Variants in PROZ observed in about 807,000 individuals in gnomAD.
The protein encoded by PROZ is vitamin K-dependent protein Z.
In PROZ, 46 loss-of-function variants were observed where a neutral mutation model predicts 34.9. That is an observed-to-expected ratio of 1.32 (90% CI 1.04 to 1.69). The LOEUF (loss-of-function observed/expected upper bound fraction) is 1.69. Among genes scored for constraint, PROZ ranks in the 40% most tolerant of loss-of-function variants. The probability of loss-of-function intolerance (pLI) is 0.00; values close to 1 mark genes in which losing one functional copy is unlikely to be tolerated. For missense variants in PROZ, 530 were observed against 520.4 expected (o/e 1.02, Z -0.18); for synonymous variants, 195 against 208.5 (o/e 0.94, Z 0.56).
At position 113,172,090 on chromosome 13, in the gene PROZ, AC is replaced by A. The variant is rs2037127529; in HGVS notation, c.1189del (p.Gln397ArgfsTer3). The A allele has an allele frequency of 6.2e-7, 1 of 1,612,788 alleles. No individual in the cohort carries two copies. The highest frequency in any genetic ancestry group is 1.3e-5 in the African/African-American group (1 of 75,010). ...KVSRYSLWFK[Q>X]IMN ...TCTCCAGGTACTCACTCTGGTTTAA[AC>A]AGATCATGAACTAACTGAAACTCAG... On this transcript the variant is annotated frameshift_variant, in exon 8 of 8. Transcript: ENST00000375547. LOFTEE classifies it high-confidence loss of function.
At chr13:113,164,186 G>A (rs1210938381) in intron 4 of PROZ, among the ~76,000 whole-genome samples, 1 of 151,960 alleles carries the variant, frequency 6.6e-6, no homozygotes, top group Admixed American at 6.6e-5. Context: ...CACCATGTTG[G>A]CCAGGCTGGT....
chr13:113,168,216 C>T (rs2146750), intron 6 of PROZ, among the ~76,000 whole-genome samples: 26,347 of 152,220 alleles, frequency 0.17, 2,955 homozygotes, highest in South Asian at 0.42. Flanking sequence ...TAGTGGAATG[C>T]GGATAAATAT....
chr13:113,161,846 C>A (rs2988602), intron 3 of PROZ, among the ~76,000 whole-genome samples: 1,913 of 49,654 alleles, frequency 0.039, 31 homozygotes, highest in Middle Eastern at 0.097. Context: ...CCACGTCCCC[C>A]CATCCTCCTC....
At chr13:113,170,084 G>A (rs187460943) in intron 6 of PROZ, among the ~76,000 whole-genome samples, 130 of 152,310 alleles carry the variant, frequency 8.5e-4, no homozygotes, top group African/African-American at 2.8e-3. Context: ...TGGGGATTAC[G>A]ATTCCTGAAA....
chr13:113,164,370 G>C, intron 4 of PROZ, 143 bp from the exon 5 acceptor site: 1 of 923,274 alleles, frequency 1.1e-6, no homozygotes, highest in South Asian at 1.5e-5. Flanking sequence ...AAGAGAATGA[G>C]AACACATGGA....
intron 6 of PROZ, among the ~76,000 whole-genome samples, chr13:113,166,812 G>T (rs1447608345): frequency 1.3e-5 from 2 of 152,150 alleles, no homozygotes; most frequent in African/African-American, 4.8e-5. Context: ...TAGTGACAGG[G>T]TCTGGCTCTA....
intron 4 of PROZ, 50 bp downstream of exon 4, chr13:113,163,172 GCCTCACAT>G: frequency 6.9e-7 from 1 of 1,439,498 alleles, no homozygotes; most frequent in African/African-American, 1.4e-5. Context: ...GGGCAGGTGG[GCCTCACAT>G]CCTCGGCCAG....
In PROZ at chr13:113,171,491, G is replaced by C. The variant is rs1022178969; in HGVS notation, c.692-103G>C. ...GCGGTGAGCCTGCGGGTCCTCCAGG[G>C]CCGGTCTCTCCCTCCTCACGTGGCT... On this transcript the variant is annotated intron_variant, in intron 7 of 7. Coordinates refer to ENST00000375547, the MANE Select transcript of PROZ (RefSeq NM_003891.3). The surrounding 1 kb of genome is among the most constrained non-coding windows in gnomAD (Gnocchi z 5.1). The C allele has an allele frequency of 2.7e-6, 4 of 1,473,504 alleles. No homozygotes were observed. The highest frequency in any genetic ancestry group is 3.7e-6 in the Non-Finnish European group (4 of 1,074,764). The allele number at this position is 1,473,504 out of a possible 1,614,324, so 91.3% of individuals were successfully genotyped here.
At chr13:113,164,071 C>T (rs1449053117) in intron 4 of PROZ, among the ~76,000 whole-genome samples, 2 of 151,660 alleles carry the variant, frequency 1.3e-5, no homozygotes, top group South Asian at 2.1e-4. Flanking sequence ...CTTTTGCCTC[C>T]TGGGTTCAAG....
At chr13:113,167,624 T>C (rs1210317084) in intron 6 of PROZ, among the ~76,000 whole-genome samples, 1 of 152,242 alleles carries the variant, frequency 6.6e-6, no homozygotes, top group Non-Finnish European at 1.5e-5. Flanking sequence ...CTTATCTTTT[T>C]CCAATCTTCT....
intron 6 of PROZ, among the ~76,000 whole-genome samples, chr13:113,169,067 GCT>G (rs2037033316): frequency 6.6e-6 from 1 of 152,022 alleles, no homozygotes; most frequent in South Asian, 2.1e-4. Flanking sequence ...CCTTCTCCCT[GCT>G]CTGTTTTGGG....
At position 113,162,987 on chromosome 13, in the gene PROZ, AACCCC is replaced by A. The variant is rs200743048; in HGVS notation, c.260-21_260-17del. The stretch of plus-strand genomic sequence containing the variant: ...TCCCCGTTCCTGTCACCACCACCCC[AACCCC>A]CATCCTCCTCCTGCAGGCGGCTCCC... On this transcript the variant is annotated splice_polypyrimidine_tract_variant and intron_variant, in intron 3 of 7. Coordinates refer to ENST00000375547, the MANE Select transcript of PROZ (RefSeq NM_003891.3). The A allele has an allele frequency of 1.1e-6, 1 of 915,548 alleles. No homozygotes were observed. The highest frequency in any genetic ancestry group is 1.5e-6 in the Non-Finnish European group (1 of 675,570). 56.7% of individuals were successfully genotyped at this position (915,548 alleles called of 1,614,324 possible). A position where few individuals can be genotyped will look rare whatever the true frequency, so the allele number is the denominator to read the frequency against.
intron 3 of PROZ, 95 bp from the exon 4 acceptor site, chr13:113,162,909 CTCCTG>C: frequency 1.7e-6 from 1 of 592,972 alleles, no homozygotes; most frequent in South Asian, 1.8e-5. Flanking sequence ...CTCCATCCTC[CTCCTG>C]CTCAGGTCCC....
In PROZ at chr13:113,158,890, T is replaced by C. The variant is rs1197690020; in HGVS notation, c.70+160T>C. Among the ~76,000 whole-genome samples the C allele has an allele frequency of 1.3e-5, 2 of 152,038 alleles. No homozygotes were observed. Among genetic ancestry groups the C allele is most frequent in the East Asian group, 3.9e-4 (2 of 5,192 alleles). On this transcript the variant is annotated intron_variant, in intron 1 of 7. Transcript: ENST00000375547. This position sits in a 1 kb window ranked among gnomAD's most constrained non-coding sequence, Gnocchi z 4.3. The stretch of plus-strand genomic sequence containing the variant: ...AAAAAGCTGTTTGGATCTTTATCAT[T>C]TGGTGACAAGTATTTGGGACATGAT...
At chr13:113,164,701 T>C (rs909955878) in intron 5 of PROZ, 57 bp downstream of exon 5, 1 of 1,604,756 alleles carries the variant, frequency 6.2e-7, no homozygotes, top group Non-Finnish European at 8.5e-7. Flanking sequence ...CCCGTCCACA[T>C]CCTCCTTCCT....
rs113937936 is a variant in PROZ at position 113,167,504 on chromosome 13, A to G, written c.573+2384A>G. Among the ~76,000 whole-genome samples, 5 of 152,304 alleles carry G rather than the reference A, an allele frequency of 3.3e-5. 1 individual carries two copies. Among genetic ancestry groups the G allele is most frequent in the African/African-American group, 1.2e-4 (5 of 41,556 alleles). ...CTTTATTTCATTTAATCTTTCAAAC[A>G]ACTTCTCGTTTTCTCCTTTTGTATC... On this transcript the variant is annotated intron_variant, in intron 6 of 7. Coordinates refer to ENST00000375547, the MANE Select transcript of PROZ (RefSeq NM_003891.3).
In PROZ at chr13:113,159,922, GGGCTGGC is replaced by G. The variant is rs1454799999; in HGVS notation, c.71-88_71-82del. 2.7e-6 allele frequency: 4 copies of G among 1,488,846 alleles called. No individual in the cohort carries two copies. The African/African-American group carries it at 5.5e-5, about 21-fold the overall frequency. 92.2% of individuals were successfully genotyped at this position (1,488,846 alleles called of 1,614,324 possible). A position where few individuals can be genotyped will look rare whatever the true frequency, so the allele number is the denominator to read the frequency against. ...GAGCCTGTGGAGACGGACGGGGCTG[GGGCTGGC>G]GGCCGGCCGGGGAGGAAGCCAGGCA... On this transcript the variant is annotated intron_variant, in intron 1 of 7. Transcript: ENST00000375547. This position sits in a 1 kb window ranked among gnomAD's most constrained non-coding sequence, Gnocchi z 4.6.
chr13:113,168,803 A>G (rs2037023384), intron 6 of PROZ, among the ~76,000 whole-genome samples: 1 of 152,094 alleles, frequency 6.6e-6, no homozygotes, highest in Non-Finnish European at 1.5e-5. Flanking sequence ...ATCATGGCTC[A>G]CTGCAGCCTC....
intron 6 of PROZ, among the ~76,000 whole-genome samples, chr13:113,169,528 T>A (rs1249350253): frequency 2.0e-5 from 3 of 152,258 alleles, no homozygotes; most frequent in Admixed American, 6.5e-5. Flanking sequence ...TTTTGTGCTC[T>A]ATACATACAC....
Sources: gnomAD v4.1 joint callset for allele counts (sites outside exome capture counted in the v4.1 genomes callset) on GRCh38, gnomAD v4.1.1 for gene constraint, Gnocchi (gnomAD v3.1) non-coding constraint, MANE v1.5 for transcripts, NCBI Gene and HGNC (gene_info 2026-07-23, HGNC 2026-07-21) for gene names.